The following FAM81A variants were observed in gnomAD, a reference collection of about 807,000 sequenced individuals.
FAM81A encodes family with sequence similarity 81 member A.
In FAM81A, 19 loss-of-function variants were observed where a neutral mutation model predicts 46.7. That is an observed-to-expected ratio of 0.41 (90% CI 0.28 to 0.60). The LOEUF is 0.60. FAM81A is among the 20% of genes least tolerant of loss of function. The pLI is 0.34. For missense variants in FAM81A, 377 were observed against 453.5 expected, an observed-to-expected ratio of 0.83 and a Z score of 1.53; for synonymous variants, 183 against 152.9, an observed-to-expected ratio of 1.20 and a Z score of -1.45.
intron 3 of FAM81A, among the ~76,000 whole-genome samples, chr15:59,472,384 G>A (rs2081705393): frequency 1.3e-5 from 2 of 152,036 alleles, no homozygotes; most frequent in African/African-American, 2.4e-5. Flanking sequence ...ACGAAAACCT[G>A]AGCAGGCTAA....
intron 7 of FAM81A, among the ~76,000 whole-genome samples, chr15:59,514,845 A>G (rs2082250238): frequency 6.6e-6 from 1 of 152,204 alleles, no homozygotes; most frequent in South Asian, 2.1e-4. Context: ...GAGATACCAC[A>G]GTGCAACATG....
intron 1 of FAM81A, among the ~76,000 whole-genome samples, chr15:59,442,618 C>CA (rs1196305104): frequency 0.01 from 776 of 76,292 alleles, 8 homozygotes; most frequent in Middle Eastern, 0.02. Flanking sequence ...CTCCGTCTCT[C>CA]AAAAAAAAAA....
chr15:59,406,248 T>C (rs1488815929), intron 2 of FAM81A, among the ~76,000 whole-genome samples: 1 of 152,174 alleles, frequency 6.6e-6, no homozygotes. Context: ...TTCTAATTTC[T>C]AAGGTAAAAT....
chr15:59,459,505 C>G (rs906968909), intron 2 of FAM81A, among the ~76,000 whole-genome samples: 1 of 152,272 alleles, frequency 6.6e-6, no homozygotes, highest in South Asian at 2.1e-4. Context: ...CTGACACTCC[C>G]TATTGCCTCA....
intron 2 of FAM81A, among the ~76,000 whole-genome samples, chr15:59,419,110 C>T (rs544166415): frequency 6.6e-6 from 1 of 152,250 alleles, no homozygotes; most frequent in African/African-American, 2.4e-5. Flanking sequence ...TTCATCAGTT[C>T]GATTATCTGT....
At chr15:59,418,460 C>T (rs1028494794) in intron 2 of FAM81A, among the ~76,000 whole-genome samples, 1 of 152,202 alleles carries the variant, frequency 6.6e-6, no homozygotes, top group Non-Finnish European at 1.5e-5. Context: ...CTCTTGAATC[C>T]ATTCTCCCCA....
chr15:59,436,383 A>G (rs2081243393), upstream of FAM81A, among the ~76,000 whole-genome samples: 1 of 151,982 alleles, frequency 6.6e-6, no homozygotes, highest in Non-Finnish European at 1.5e-5. Context: ...AGGCTCTGGC[A>G]CCTCAAGTAG....
At chr15:59,519,531 C>G in intron 8 of FAM81A, among the ~76,000 whole-genome samples, 1 of 137,078 alleles carries the variant, frequency 7.3e-6, no homozygotes, top group East Asian at 2.3e-4. Flanking sequence ...TCCTTTCTTT[C>G]TCTTTCTTTT....
At chr15:59,517,097 C>CTTCAGCACCATCGGCCAA (rs1347457046) in intron 8 of FAM81A, among the ~76,000 whole-genome samples, 1 of 152,116 alleles carries the variant, frequency 6.6e-6, no homozygotes. Context: ...GGTACATTTT[C>CTTCAGCACCATCGGCCAA]TTCAGCACCA....
intron 3 of FAM81A, among the ~76,000 whole-genome samples, chr15:59,461,211 C>A (rs114272032): frequency 0.012 from 1,821 of 152,282 alleles, 33 homozygotes; most frequent in African/African-American, 0.041. Flanking sequence ...TACTTTCTAT[C>A]TCTAGAAATT....
intron 2 of FAM81A, among the ~76,000 whole-genome samples, chr15:59,424,132 C>T (rs528590629): frequency 2.0e-5 from 3 of 152,340 alleles, no homozygotes; most frequent in Non-Finnish European, 2.9e-5. Context: ...TCCTTGTTGC[C>T]ACGTTCATCA....
chr15:59,519,150 T>G (rs2082299604), intron 8 of FAM81A, among the ~76,000 whole-genome samples: 2 of 152,064 alleles, frequency 1.3e-5, no homozygotes, highest in Non-Finnish European at 2.9e-5. Context: ...GCCCCACCTT[T>G]GGCAACCACC....
intron 4 of FAM81A, among the ~76,000 whole-genome samples, chr15:59,495,639 A>G (rs1361611937): frequency 1.3e-5 from 2 of 152,224 alleles, no homozygotes; most frequent in East Asian, 1.9e-4. Flanking sequence ...TGCCCCCAGC[A>G]GTGTCTGAGG....
At chr15:59,518,218 TCCTCCCGC>T (rs1379778261) in intron 8 of FAM81A, among the ~76,000 whole-genome samples, 3 of 150,900 alleles carry the variant, frequency 2.0e-5, no homozygotes, top group African/African-American at 7.3e-5. Flanking sequence ...CCTCAAATGA[TCCTCCCGC>T]CTCGGCCTGC....
chr15:59,516,126 G>GTT (rs540042022), intron 7 of FAM81A, among the ~76,000 whole-genome samples: 45 of 136,536 alleles, frequency 3.3e-4, no homozygotes, highest in African/African-American at 8.1e-4. Context: ...GAATGTAGTG[G>GTT]TTTTTTTTTT....
chr15:59,410,605 C>A (rs2141537927), intron 2 of FAM81A, among the ~76,000 whole-genome samples: 1 of 152,300 alleles, frequency 6.6e-6, no homozygotes, highest in South Asian at 2.1e-4. Flanking sequence ...GACCCAGAGC[C>A]AACAGAGAAA....
At chr15:59,399,836 G>T (rs2081062551) in intron 1 of FAM81A, among the ~76,000 whole-genome samples, 1 of 152,146 alleles carries the variant, frequency 6.6e-6, no homozygotes, top group African/African-American at 2.4e-5. Context: ...TCCCTCCAGG[G>T]CAGGAGGGGA....
At chr15:59,475,536 C>G (rs1309578828) in intron 3 of FAM81A, among the ~76,000 whole-genome samples, 4 of 152,206 alleles carry the variant, frequency 2.6e-5, no homozygotes, top group East Asian at 1.9e-4. Context: ...GTCCGAAACA[C>G]ATTTTATGTA....
chr15:59,424,588 C>T (rs1260768449), intron 2 of FAM81A, among the ~76,000 whole-genome samples: 1 of 152,216 alleles, frequency 6.6e-6, no homozygotes, highest in Non-Finnish European at 1.5e-5. Flanking sequence ...CTCTCGATAT[C>T]CACCACTGAA....
Sources: gnomAD v4.1 joint callset for allele counts (sites outside exome capture counted in the v4.1 genomes callset) on GRCh38, gnomAD v4.1.1 for gene constraint, MANE v1.5 for transcripts, NCBI Gene and HGNC (gene_info 2026-07-23, HGNC 2026-07-21) for gene names.